JMY: variants seen among roughly 807,000 people sequenced by gnomAD.
The protein encoded by JMY is junction-mediating and -regulatory protein.
JMY carries 46 observed loss-of-function variants against 103.3 expected under a neutral mutation model. The ratio of observed to expected loss-of-function variants is 0.45; its 90% CI spans 0.35 to 0.57. The LOEUF (loss-of-function observed/expected upper bound fraction) is 0.57. JMY is among the 20% of genes least tolerant of loss of function. The pLI is 0.00. For synonymous variants in JMY, 526 were observed against 489.3 expected, an observed-to-expected ratio of 1.07 and a Z score of -0.99; for missense variants, 1,238 against 1,255.2, an observed-to-expected ratio of 0.99 and a Z score of 0.21.
At chr5:79,292,676 G>A (rs1380444855) in intron 4 of JMY, among the ~76,000 whole-genome samples, 2 of 152,020 alleles carry the variant, frequency 1.3e-5, no homozygotes, top group Admixed American at 6.6e-5. Flanking sequence ...TTCTGTCAGT[G>A]GACAGCTGCC....
intron 7 of JMY, among the ~76,000 whole-genome samples, chr5:79,309,469 TG>T (rs1011811066): frequency 1.3e-5 from 2 of 152,244 alleles, no homozygotes; most frequent in Non-Finnish European, 2.9e-5. Flanking sequence ...TATATTATCC[TG>T]ACAGTCATCT....
At chr5:79,240,587 G>T (rs1434768375) in intron 1 of JMY, among the ~76,000 whole-genome samples, 1 of 152,194 alleles carries the variant, frequency 6.6e-6, no homozygotes, top group Non-Finnish European at 1.5e-5. Context: ...AGGATTACAG[G>T]CGTGAACCAC....
intron 1 of JMY, among the ~76,000 whole-genome samples, chr5:79,266,993 G>A (rs1345434941): frequency 6.6e-6 from 1 of 152,116 alleles, no homozygotes; most frequent in East Asian, 1.9e-4. Context: ...TGTGTCATCT[G>A]TTTTTAAAAA....
Position 79,300,873 on chromosome 5 carries a change from T to TA in JMY, c.1881+11dup, listed in dbSNP as rs1746714452. ...CCTCAGAAATAAAAAGGTATTTAAATATTGCTTTTGTTCATTATTTAGTCT... is the reference window on the plus strand; with the variant it reads ...CCTCAGAAATAAAAAGGTATTTAAATAATTGCTTTTGTTCATTATTTAGTCT... On this transcript the variant is annotated intron_variant, in intron 6 of 10. Transcript: ENST00000396137. The TA allele has an allele frequency of 1.3e-6, 2 of 1,578,220 alleles. No individual in the cohort carries two copies. The highest frequency in any genetic ancestry group is 2.7e-5 in the African/African-American group (2 of 72,794).
intron 4 of JMY, among the ~76,000 whole-genome samples, chr5:79,299,787 G>A (rs190225465): frequency 4.7e-5 from 7 of 149,008 alleles, no homozygotes; most frequent in African/African-American, 1.7e-4. Context: ...GAATAGCCCC[G>A]TCATTTTCAT....
intron 1 of JMY, among the ~76,000 whole-genome samples, chr5:79,264,307 G>A (rs531437079): frequency 4.6e-5 from 7 of 151,850 alleles, no homozygotes; most frequent in South Asian, 2.1e-4. Flanking sequence ...GGCTGGTTTC[G>A]AACTCCTGGG....
chr5:79,237,326 G>T lies in JMY; in HGVS notation c.676G>T (p.Glu226Ter). 6.3e-7 allele frequency: 1 copy of T among 1,588,088 alleles called. No individual in the cohort carries two copies. Among genetic ancestry groups the T allele is most frequent in the East Asian group, 2.3e-5 (1 of 42,980 alleles). The change falls in exon 1 of 11, where the codon GAG (glutamate) becomes TAG (stop). Residue 226 changes from glutamate (E) to a stop codon, truncating the protein, a stop_gained. Coordinates refer to ENST00000396137, the MANE Select transcript of JMY (RefSeq NM_152405.5). LOFTEE classifies it high-confidence loss of function. Reference sequence around the variant, plus strand: ...CACCGAGCTGGAGTCTCCGGCCGAAGAGTGCAGCTGGGCCGGACTGTTTTC... The same window carrying T: ...CACCGAGCTGGAGTCTCCGGCCGAATAGTGCAGCTGGGCCGGACTGTTTTC... ...PATELESPAE[E>*]CSWAGLFSFQ... is the part of the protein sequence containing the mutation.
At position 79,326,053 on chromosome 5, in the gene JMY, CATT is replaced by C. The variant is rs1442001844; in HGVS notation, c.*4454_*4456del. ...TACTGTCTCTTCCCTTCTGCAGAGA[CATT>C]ATGCCACTGTAAGGTGCATGTACAG... On this transcript the variant is annotated 3_prime_UTR_variant, in exon 11 of 11. Coordinates refer to ENST00000396137, the MANE Select transcript of JMY (RefSeq NM_152405.5). The C allele has an allele frequency of 1.3e-5, 2 of 152,192 alleles. No homozygotes were observed. The highest frequency in any genetic ancestry group is 2.9e-5 in the Non-Finnish European group (2 of 68,014). 9.4% of individuals were successfully genotyped at this position (152,192 alleles called of 1,614,324 possible). A position where few individuals can be genotyped will look rare whatever the true frequency, so the allele number is the denominator to read the frequency against.
intron 2 of JMY, among the ~76,000 whole-genome samples, chr5:79,279,377 G>T (rs1746043969): frequency 6.6e-6 from 1 of 152,092 alleles, no homozygotes; most frequent in Non-Finnish European, 1.5e-5. Context: ...GGGTGAAAAA[G>T]CATTTTTTGA....
chr5:79,318,761 T>TATATAGAGAGAGAGAGAG (rs1218912301), intron 10 of JMY, among the ~76,000 whole-genome samples: 1 of 53,612 alleles, frequency 1.9e-5, no homozygotes, highest in African/African-American at 1.7e-4. Flanking sequence ...TATATATATA[T>TATATAGAGAGAGAGAGAG]AGAGAGAGAG....
intron 10 of JMY, among the ~76,000 whole-genome samples, chr5:79,317,025 T>C (rs947697705): frequency 1.3e-5 from 2 of 150,854 alleles, no homozygotes; most frequent in Non-Finnish European, 2.9e-5. Flanking sequence ...CTGGGCAATA[T>C]AGCAATACCC....
chr5:79,280,304 T>C (rs961586804), intron 2 of JMY, among the ~76,000 whole-genome samples: 2 of 152,232 alleles, frequency 1.3e-5, no homozygotes, highest in Non-Finnish European at 2.9e-5. Context: ...ATCCAGAATC[T>C]GTACACATTC....
intron 1 of JMY, among the ~76,000 whole-genome samples, chr5:79,263,384 A>G (rs1444496146): frequency 1.3e-5 from 2 of 152,058 alleles, no homozygotes; most frequent in Admixed American, 1.3e-4. Context: ...CTTTGTTACA[A>G]ACAGGTTTTT....
intron 6 of JMY, among the ~76,000 whole-genome samples, chr5:79,303,194 T>C (rs187393004): frequency 5.3e-5 from 8 of 152,278 alleles, no homozygotes; most frequent in Non-Finnish European, 1.2e-4. Flanking sequence ...GTGTATGAGA[T>C]GGTCTCAGAA....
At chr5:79,248,657 A>G (rs1458669116) in intron 1 of JMY, among the ~76,000 whole-genome samples, 5 of 145,968 alleles carry the variant, frequency 3.4e-5, no homozygotes, top group Non-Finnish European at 7.5e-5. Flanking sequence ...TCCCATATAG[A>G]AAAAAAAAAA....
At position 79,323,198 on chromosome 5, in the gene JMY, A is replaced by C. The variant is rs1219878136; in HGVS notation, c.*1596A>C. ...AACTCCTGGACTCAAGCAATCTGCCAGCCTCGGCCTGCTAAAGTGCTAGGA... is the reference window on the plus strand; with the variant it reads ...AACTCCTGGACTCAAGCAATCTGCCCGCCTCGGCCTGCTAAAGTGCTAGGA... On this transcript the variant is annotated 3_prime_UTR_variant, in exon 11 of 11. Coordinates refer to ENST00000396137, the MANE Select transcript of JMY (RefSeq NM_152405.5). The C allele has an allele frequency of 6.6e-6, 1 of 152,180 alleles. No individual in the cohort carries two copies. The highest frequency in any genetic ancestry group is 1.5e-5 in the Non-Finnish European group (1 of 68,014). 9.4% of individuals were successfully genotyped at this position (152,180 alleles called of 1,614,324 possible).
intron 1 of JMY, among the ~76,000 whole-genome samples, chr5:79,277,329 A>G (rs1745969446): frequency 6.6e-6 from 1 of 151,920 alleles, no homozygotes; most frequent in African/African-American, 2.4e-5. Context: ...TCTACTAGAT[A>G]GCAGAAAATT....
intron 7 of JMY, among the ~76,000 whole-genome samples, chr5:79,306,964 G>T (rs1265751718): frequency 3.3e-5 from 5 of 152,086 alleles, no homozygotes; most frequent in Non-Finnish European, 5.9e-5. Context: ...TCTTTTTATA[G>T]TCTTCATAGT....
At chr5:79,321,567 C>T (rs1747450719) in intron 10 of JMY, 39 bp from the exon 11 acceptor site, 1 of 151,316 alleles carries the variant, frequency 6.6e-6, no homozygotes, top group African/African-American at 2.4e-5. Context: ...TTTAAAGGGT[C>T]TTTTTTTTAA....
Sources: allele counts gnomAD v4.1 joint callset (sites outside exome capture counted in the v4.1 genomes callset), GRCh38; gene constraint gnomAD v4.1.1; transcripts MANE v1.5; gene names NCBI Gene and HGNC (gene_info 2026-07-23, HGNC 2026-07-21).